Variants in ELF1 observed in about 807,000 individuals in gnomAD.
ELF1 encodes ETS-related transcription factor Elf-1.
In ELF1, 24 loss-of-function variants were observed where a neutral mutation model predicts 59.9. The observed-to-expected ratio is 0.40, with a 90% confidence interval of 0.29 to 0.56. The LOEUF (loss-of-function observed/expected upper bound fraction) is 0.56. Ranked by LOEUF, ELF1 falls within the 20% of genes least tolerant of loss-of-function variation. The pLI is 0.44. For synonymous variants in ELF1, 248 were observed against 266.2 expected, an observed-to-expected ratio of 0.93 and a Z score of 0.67; for missense variants, 627 against 742.2, an observed-to-expected ratio of 0.84 and a Z score of 1.80.
intron 3 of ELF1, among the ~76,000 whole-genome samples, chr13:40,958,242 CAGAAA>C (rs1432742873): frequency 1.3e-5 from 2 of 152,140 alleles, no homozygotes; most frequent in Non-Finnish European, 2.9e-5. Context: ...CTGACTGAAC[CAGAAA>C]AGAAATCTAT....
At chr13:40,934,416 C>CTTTTTTTTTT (rs10692930) in intron 8 of ELF1, among the ~76,000 whole-genome samples, 1 of 102,466 alleles carries the variant, frequency 9.8e-6, no homozygotes, top group Non-Finnish European at 1.9e-5. Context: ...TTCATTCCTG[C>CTTTTTTTTTT]TTTTTTTTTT....
chr13:40,998,287 T>C (rs1050700995), intron 1 of ELF1, among the ~76,000 whole-genome samples: 2 of 152,184 alleles, frequency 1.3e-5, no homozygotes, highest in Non-Finnish European at 2.9e-5. Context: ...TATACAACAG[T>C]AGTCCCCATG....
intron 1 of ELF1, among the ~76,000 whole-genome samples, chr13:41,046,997 T>TC (rs1169259117): frequency 1.3e-5 from 2 of 152,214 alleles, no homozygotes; most frequent in African/African-American, 4.8e-5. Flanking sequence ...TTTACTTTTT[T>TC]CTCTAAACTT....
chr13:40,972,418 C>T (rs2138238813), intron 2 of ELF1, among the ~76,000 whole-genome samples: 1 of 152,292 alleles, frequency 6.6e-6, no homozygotes, highest in East Asian at 1.9e-4. Context: ...AGAATCAAGA[C>T]AGCCATTCTG....
chr13:41,035,843 A>AC (rs1344159841), intron 1 of ELF1, among the ~76,000 whole-genome samples: 160 of 150,286 alleles, frequency 1.1e-3, no homozygotes, highest in Middle Eastern at 6.9e-3. Flanking sequence ...TGTTAAAAAA[A>AC]AAACAACAAC....
chr13:41,058,554 T>C lies in ELF1; in HGVS notation c.-229+2284A>G, dbSNP rs1877370923. Among the ~76,000 whole-genome samples, 4 of 152,374 alleles carry C rather than the reference T, an allele frequency of 2.6e-5. No homozygotes were observed. The South Asian group carries it at 8.3e-4, about 32-fold the overall frequency. On this transcript the variant is annotated intron_variant, in intron 1 of 1. Coordinates refer to the ELF1 transcript ENST00000405737. The stretch of plus-strand genomic sequence containing the variant: ...AAATCTGTGTTTTATACAGAGATGA[T>C]GCAACTACTTCCTTTGTGTTCACCC...
At chr13:41,047,381 GCT>G (rs746643634) in intron 1 of ELF1, among the ~76,000 whole-genome samples, 5 of 152,208 alleles carry the variant, frequency 3.3e-5, no homozygotes, top group Non-Finnish European at 7.3e-5. Flanking sequence ...TGGTTTTTCT[GCT>G]CTGTTTTTTC....
chr13:40,941,463 G>A (rs1001610099), intron 7 of ELF1, 93 bp from the exon 8 acceptor site: 4 of 1,207,130 alleles, frequency 3.3e-6, no homozygotes, highest in African/African-American at 3.0e-5. Flanking sequence ...AAACTTTAAA[G>A]TTGGAATCAA....
chr13:40,968,883 C>A (rs1872352556), intron 2 of ELF1, among the ~76,000 whole-genome samples: 1 of 152,028 alleles, frequency 6.6e-6, no homozygotes, highest in South Asian at 2.1e-4. Flanking sequence ...CCACACCCAG[C>A]TAATTTTTGT....
intron 3 of ELF1, among the ~76,000 whole-genome samples, chr13:40,952,652 T>C (rs930958813): frequency 6.6e-6 from 1 of 152,164 alleles, no homozygotes; most frequent in Non-Finnish European, 1.5e-5. Flanking sequence ...CTCCTTGGCC[T>C]CCCAAAGTTC....
In ELF1 at chr13:41,060,914, T is replaced by TGCTGCCGCTGCCGCCGCCGCC. The variant is rs878930377; in HGVS notation, c.-306_-305insGGCGGCGGCGGCAGCGGCAGC. 59 of 345,008 alleles carry TGCTGCCGCTGCCGCCGCCGCC rather than the reference T, an allele frequency of 1.7e-4. 6 individuals are homozygous for TGCTGCCGCTGCCGCCGCCGCC. Among genetic ancestry groups the TGCTGCCGCTGCCGCCGCCGCC allele is most frequent in the African/African-American group, 8.6e-4 (38 of 44,098 alleles). The allele number at this position is 345,008 out of a possible 1,614,324, so 21.4% of individuals were successfully genotyped here. On this transcript the variant is annotated 5_prime_UTR_variant, in exon 1 of 2. Coordinates refer to the ELF1 transcript ENST00000405737. The stretch of plus-strand genomic sequence containing the variant: ...GCCTCTGCGCTACTGAAGCTGCTGC[T>TGCTGCCGCTGCCGCCGCCGCC]GCCGCCGCCGCCGCCGCCGCCGCCG...
At chr13:41,017,993 C>T (rs1875515133) in intron 1 of ELF1, among the ~76,000 whole-genome samples, 1 of 152,142 alleles carries the variant, frequency 6.6e-6, no homozygotes, top group Admixed American at 6.5e-5. Context: ...TTAATATCAA[C>T]AATCCTTACA....
chr13:41,060,801 C>T (rs1877534421), intron 1 of ELF1: 1 of 199,228 alleles, frequency 5.0e-6, no homozygotes, highest in Non-Finnish European at 1.1e-5. Context: ...ACCGCTAGAC[C>T]ATATGGGAAG....
At position 40,933,669 on chromosome 13, in the gene ELF1, G is replaced by A; in HGVS notation, c.1616C>T (p.Pro539Leu). 1 of 1,614,234 alleles carries A rather than the reference G, an allele frequency of 6.2e-7. No individual in the cohort carries two copies. The highest frequency in any genetic ancestry group is 2.2e-5 in the East Asian group (1 of 44,892). ...SATAPVVTFS[P>L]RSSQLVAHPP... ...GTGAGCAACCAGCTGTGAACTGCGA[G>A]GAGAAAAGGTCACCACAGGTGCAGT... The change falls in exon 9 of 9, where the codon CCT (proline) becomes CTT (leucine). Residue 539 changes from proline (P) to leucine (L), a missense_variant. This residue lies in a region of ELF1 where 361 missense variants were observed against 396.1 expected (regional missense o/e 0.91). Transcript: ENST00000239882.
chr13:40,984,057 T>C (rs976308790), intron 1 of ELF1, among the ~76,000 whole-genome samples: 8 of 152,240 alleles, frequency 5.3e-5, no homozygotes, highest in East Asian at 1.9e-4. Context: ...TTGTAGTACA[T>C]TGTCTTACAT....
intron 1 of ELF1, among the ~76,000 whole-genome samples, chr13:41,011,289 T>G (rs1875047514): frequency 6.6e-6 from 1 of 152,228 alleles, no homozygotes; most frequent in Admixed American, 6.5e-5. Flanking sequence ...AAATTACTTC[T>G]AGGTAACTAA....
chr13:41,003,404 C>A (rs1483290141), intron 1 of ELF1, among the ~76,000 whole-genome samples: 3 of 138,424 alleles, frequency 2.2e-5, no homozygotes, highest in Non-Finnish European at 4.5e-5. Flanking sequence ...AAAATTAAAT[C>A]CTTAAATTTG....
At chr13:41,017,919 G>A (rs922072838) in intron 1 of ELF1, among the ~76,000 whole-genome samples, 1 of 152,162 alleles carries the variant, frequency 6.6e-6, no homozygotes. Context: ...GATAGCAAAT[G>A]GCTCAGCTGA....
At chr13:41,029,784 C>A (rs1472561850) in intron 1 of ELF1, among the ~76,000 whole-genome samples, 4 of 152,186 alleles carry the variant, frequency 2.6e-5, no homozygotes, top group African/African-American at 7.2e-5. Flanking sequence ...AAGGTGAATT[C>A]TCTCTTTCTT....
Sources: gnomAD v4.1 joint callset for allele counts (sites outside exome capture counted in the v4.1 genomes callset) on GRCh38, gnomAD v4.1.1 for gene constraint, gnomAD v4.1.1 regional missense constraint, MANE v1.5 for transcripts, NCBI Gene and HGNC (gene_info 2026-07-23, HGNC 2026-07-21) for gene names.